The following PTBP3 variants were observed in gnomAD, a reference collection of about 807,000 sequenced individuals.
PTBP3 encodes polypyrimidine tract-binding protein 3.
A neutral mutation model predicts 58.7 loss-of-function variants in PTBP3; 20 were observed. That is an observed-to-expected ratio of 0.34 (90% CI 0.24 to 0.50). The LOEUF (loss-of-function observed/expected upper bound fraction) is 0.50, where lower values mean the gene tolerates loss of function less well. Among genes scored for constraint, PTBP3 ranks in the 20% least tolerant of loss-of-function variants. The probability of loss-of-function intolerance (pLI) is 0.98; values close to 1 mark genes in which losing one functional copy is unlikely to be tolerated. For synonymous variants in PTBP3, 185 were observed against 219.8 expected (o/e 0.84, Z 1.40); for missense variants, 509 against 637.2 (o/e 0.80, Z 2.17).
intron 1 of PTBP3, among the ~76,000 whole-genome samples, chr9:112,322,341 C>G (rs555922983): frequency 6.6e-6 from 1 of 151,988 alleles, no homozygotes; most frequent in African/African-American, 2.4e-5. Flanking sequence ...CCTGGCCTAC[C>G]TAAGGGGGAA....
Position 112,222,442 on chromosome 9 carries a change from C to A in PTBP3, c.*1409G>T, listed in dbSNP as rs1834839185. 5 of 985,324 alleles carry A rather than the reference C, an allele frequency of 5.1e-6. No individual in the cohort carries two copies. The highest frequency in any genetic ancestry group is 6.2e-5 in the Admixed American group (1 of 16,236). The allele number at this position is 985,324 out of a possible 1,614,324, so 61.0% of individuals were successfully genotyped here. A position where few individuals can be genotyped will look rare whatever the true frequency, so the allele number is the denominator to read the frequency against. ...GTTCTCGCTTGAGGACTGAGAAAAACCAAGTAATCCTGAGACAAATTCTGA... is the reference window on the plus strand; with the variant it reads ...GTTCTCGCTTGAGGACTGAGAAAAAACAAGTAATCCTGAGACAAATTCTGA... On this transcript the variant is annotated 3_prime_UTR_variant, in exon 14 of 14. Coordinates refer to ENST00000374257, the MANE Select transcript of PTBP3 (RefSeq NM_001163788.4).
chr9:112,277,820 G>A (rs530222187), intron 2 of PTBP3, among the ~76,000 whole-genome samples: 1 of 152,108 alleles, frequency 6.6e-6, no homozygotes, highest in South Asian at 2.1e-4. Context: ...AGACTGCAGT[G>A]AGCCGAGATT....
chr9:112,349,147 A>G, the PTBP3 span, among the ~76,000 whole-genome samples: 2 of 152,058 alleles, frequency 1.3e-5, no homozygotes, highest in African/African-American at 2.4e-5. Context: ...TAGCCTCAGT[A>G]TGGTGTCAGT....
rs1834857427 is a variant in PTBP3 at position 112,223,042 on chromosome 9, A to G, written c.*809T>C. 1 of 854,548 alleles carries G rather than the reference A, an allele frequency of 1.2e-6. No individual in the cohort carries two copies. Among genetic ancestry groups the G allele is most frequent in the Non-Finnish European group, 1.4e-6 (1 of 710,496 alleles). 52.9% of individuals were successfully genotyped at this position (854,548 alleles called of 1,614,324 possible). A position where few individuals can be genotyped will look rare whatever the true frequency, so the allele number is the denominator to read the frequency against. The stretch of plus-strand genomic sequence containing the variant: ...GATTATTTTTCTTTAAAATTTTCCA[A>G]GATCATATTACTTGACAAATAAGTG... On this transcript the variant is annotated 3_prime_UTR_variant, in exon 14 of 14. Transcript: ENST00000374257.
rs373393745 is a variant in PTBP3 at position 112,232,104 on chromosome 9, G to A, written c.1015C>T (p.Pro339Ser). 1.9e-5 allele frequency: 31 copies of A among 1,610,644 alleles called. No individual in the cohort carries two copies. In the African/African-American group the frequency reaches 3.4e-4, roughly 17 times the overall value. Residue 339 changes from proline (P) to serine (S), a missense_variant, in exon 9 of 14, where the codon CCT becomes TCT. By Grantham distance (74) the Pro-to-Ser change is moderately conservative. Coordinates refer to ENST00000374257, the MANE Select transcript of PTBP3 (RefSeq NM_001163788.4). ...TATAATACTTTTCAACTCACATCAG[G>A]ATTGAGATTTGTGACGAGTAGAACA... ...NSVLLVTNLN[P>S]DLITPHGLFI...
At chr9:112,376,473 C>T in the PTBP3 span, among the ~76,000 whole-genome samples, 805 of 151,762 alleles carry the variant, frequency 5.3e-3, 4 homozygotes, top group African/African-American at 0.019. Context: ...AGGATGGTCT[C>T]CATCTCTTGA....
intron 5 of PTBP3, among the ~76,000 whole-genome samples, chr9:112,256,270 A>G (rs1389714597): frequency 1.6e-5 from 1 of 62,772 alleles, no homozygotes; most frequent in Non-Finnish European, 2.7e-5. Flanking sequence ...AAAAAAAAAC[A>G]AAATATATAT....
intron 7 of PTBP3, among the ~76,000 whole-genome samples, chr9:112,235,850 AG>A (rs944977887): frequency 6.6e-6 from 1 of 152,290 alleles, no homozygotes; most frequent in African/African-American, 2.4e-5. Context: ...TACAGAAAAG[AG>A]GAAGAGACTA....
chr9:112,332,359 G>A (rs1345719877), intron 1 of PTBP3, among the ~76,000 whole-genome samples: 1 of 133,604 alleles, frequency 7.5e-6, no homozygotes, highest in African/African-American at 3.0e-5. Context: ...AATCTAATGA[G>A]GTCAAAAGCT....
the PTBP3 span, among the ~76,000 whole-genome samples, chr9:112,363,310 T>C: frequency 6.6e-6 from 1 of 152,228 alleles, no homozygotes; most frequent in South Asian, 2.1e-4. Context: ...TTTGGGAATC[T>C]GAGGAGGGCA....
chr9:112,221,008 T>C lies in PTBP3; in HGVS notation c.*2843A>G, dbSNP rs539026334. ...CACCATCCTGATATTTTTTAATCTT[T>C]TTTTTACAAAAACTATGCCAACACA... On this transcript the variant is annotated 3_prime_UTR_variant, in exon 14 of 14. Transcript: ENST00000374257. 1.0e-6 allele frequency: 1 copy of C among 976,620 alleles called. No individual in the cohort carries two copies. Among genetic ancestry groups the C allele is most frequent in the Non-Finnish European group, 1.2e-6 (1 of 821,970 alleles). 60.5% of individuals were successfully genotyped at this position (976,620 alleles called of 1,614,324 possible). A position where few individuals can be genotyped will look rare whatever the true frequency, so the allele number is the denominator to read the frequency against.
chr9:112,275,870 G>C lies in PTBP3; in HGVS notation c.178C>G (p.Leu60Val). The change falls in exon 3 of 14, where the codon CTT (leucine) becomes GTT (valine). Residue 60 changes from leucine to valine, a missense_variant. Coordinates refer to ENST00000374257, the MANE Select transcript of PTBP3 (RefSeq NM_001163788.4). ...TGGCTTTTTCCTTTCAACATCAAAA[G>C]ATTAGTTACTTTGCCAAATGGTAGA... ...LGLPFGKVTNLLMLKGKSQAF... is the reference protein window; with the variant it reads ...LGLPFGKVTNVLMLKGKSQAF... 1 of 1,613,280 alleles carries C rather than the reference G, an allele frequency of 6.2e-7. No homozygotes were observed. Among genetic ancestry groups the C allele is most frequent in the Non-Finnish European group, 8.5e-7 (1 of 1,179,502 alleles).
intron 5 of PTBP3, among the ~76,000 whole-genome samples, chr9:112,258,961 G>A (rs1376139137): frequency 6.6e-6 from 1 of 151,994 alleles, no homozygotes. Context: ...TATTTTTTTG[G>A]AGGATGGGGA....
At chr9:112,365,717 C>G in the PTBP3 span, among the ~76,000 whole-genome samples, 1 of 152,052 alleles carries the variant, frequency 6.6e-6, no homozygotes, top group South Asian at 2.1e-4. Flanking sequence ...TTGGAGGGCT[C>G]AGAAGAAGAC....
rs772063298 is a variant in PTBP3, at chr9:112,223,568, T to C, written c.*283A>G. On this transcript the variant is annotated 3_prime_UTR_variant, in exon 14 of 14. Coordinates refer to ENST00000374257, the MANE Select transcript of PTBP3 (RefSeq NM_001163788.4). ...TTAATCCTCTTCAAATCTAATTTAA[T>C]ATAGGGAATAAGATTATTGAAAAAA... is the stretch of plus-strand genomic sequence containing the variant. The C allele has an allele frequency of 1.4e-5, 15 of 1,037,430 alleles. No individual in the cohort carries two copies. The highest frequency in any genetic ancestry group is 1.8e-5 in the Non-Finnish European group (15 of 841,232). 64.3% of individuals were successfully genotyped at this position (1,037,430 alleles called of 1,614,324 possible). A position where few individuals can be genotyped will look rare whatever the true frequency, so the allele number is the denominator to read the frequency against.
the PTBP3 span, among the ~76,000 whole-genome samples, chr9:112,345,707 A>C: frequency 6.6e-6 from 1 of 152,124 alleles, no homozygotes. Context: ...AAATATAAAA[A>C]TTAAAAATAA....
At chr9:112,352,094 AT>A in the PTBP3 span, among the ~76,000 whole-genome samples, 8 of 151,552 alleles carry the variant, frequency 5.3e-5, no homozygotes, top group South Asian at 1.7e-3. Flanking sequence ...GTTTTTAAAT[AT>A]TTTTTTGTAG....
intron 4 of PTBP3, among the ~76,000 whole-genome samples, chr9:112,266,615 T>A (rs745638502): frequency 6.6e-6 from 1 of 152,236 alleles, no homozygotes; most frequent in Admixed American, 6.5e-5. Flanking sequence ...GGACGAATTA[T>A]AATTCTCCTA....
In PTBP3 at chr9:112,221,983, A is replaced by G; in HGVS notation, c.*1868T>C. ...AGTGGCTATTCACAAATGTGATCAT[A>G]GCGCACTGCAGCCTTGAACTCCTGG... On this transcript the variant is annotated 3_prime_UTR_variant, in exon 14 of 14. Coordinates refer to ENST00000374257, the MANE Select transcript of PTBP3 (RefSeq NM_001163788.4). 1 of 916,038 alleles carries G rather than the reference A, an allele frequency of 1.1e-6. No individual in the cohort carries two copies. The highest frequency in any genetic ancestry group is 1.3e-6 in the Non-Finnish European group (1 of 766,584). The allele number at this position is 916,038 out of a possible 1,614,324, so 56.7% of individuals were successfully genotyped here.
Sources: allele counts gnomAD v4.1 joint callset (sites outside exome capture counted in the v4.1 genomes callset), GRCh38; gene constraint gnomAD v4.1.1; transcripts MANE v1.5; gene names NCBI Gene and HGNC (gene_info 2026-07-23, HGNC 2026-07-21).